The following MAF variants were observed in gnomAD, a reference collection of about 807,000 sequenced individuals.
The protein encoded by MAF is MAF bZIP transcription factor, also known as transcription factor Maf.
MAF carries 10 observed loss-of-function variants against 22.0 expected under a neutral mutation model. The ratio of observed to expected loss-of-function variants is 0.45; its 90% confidence interval spans 0.28 to 0.77. The LOEUF is 0.77. Among genes scored for constraint, MAF ranks in the 30% least tolerant of loss-of-function variants. The pLI, the probability that MAF is intolerant of heterozygous loss-of-function variation, is 0.12. For missense variants in MAF, 544 were observed against 548.4 expected (o/e 0.99, Z 0.08); for synonymous variants, 337 against 255.8 (o/e 1.32, Z -3.03).
At chr16:79,204,351 G>C in the MAF span, 1 of 152,114 alleles carries the variant, frequency 6.6e-6, no homozygotes, top group Non-Finnish European at 1.5e-5. Context: ...GATGGAACAA[G>C]TGTGCATGTA....
At chr16:79,324,331 G>C in the MAF span, among the ~76,000 whole-genome samples, 1 of 152,074 alleles carries the variant, frequency 6.6e-6, no homozygotes, top group Non-Finnish European at 1.5e-5. Context: ...GCTTATATGT[G>C]GTTTTGTTTT....
At chr16:79,250,904 G>C in the MAF span, among the ~76,000 whole-genome samples, 1 of 152,192 alleles carries the variant, frequency 6.6e-6, no homozygotes, top group African/African-American at 2.4e-5. Flanking sequence ...GTCCCAAGCA[G>C]ACTGGACAAG....
chr16:79,239,292 G>C, the MAF span, among the ~76,000 whole-genome samples: 1 of 152,070 alleles, frequency 6.6e-6, no homozygotes, highest in African/African-American at 2.4e-5. Context: ...TCACTCTTAA[G>C]TAGTGTCACT....
the MAF span, among the ~76,000 whole-genome samples, chr16:79,421,761 G>C: frequency 6.6e-6 from 1 of 151,344 alleles, no homozygotes; most frequent in South Asian, 2.1e-4. Flanking sequence ...TCAGCCTCTT[G>C]AGTAGTGAAT....
the MAF span, among the ~76,000 whole-genome samples, chr16:79,287,592 AT>A: frequency 6.6e-6 from 1 of 152,162 alleles, no homozygotes; most frequent in Non-Finnish European, 1.5e-5. Context: ...ATCAGATGTT[AT>A]TTTTTGGTTT....
chr16:79,564,883 C>G, the MAF span, among the ~76,000 whole-genome samples: 1 of 152,180 alleles, frequency 6.6e-6, no homozygotes, highest in South Asian at 2.1e-4. Flanking sequence ...CAAAACATTC[C>G]TTGCTCTTAC....
At chr16:79,372,529 A>G in the MAF span, among the ~76,000 whole-genome samples, 1 of 152,184 alleles carries the variant, frequency 6.6e-6, no homozygotes, top group African/African-American at 2.4e-5. Flanking sequence ...CTTCAGAAAG[A>G]TTACATCAGA....
chr16:79,363,686 C>T, the MAF span, among the ~76,000 whole-genome samples: 3 of 152,108 alleles, frequency 2.0e-5, no homozygotes, highest in African/African-American at 4.8e-5. Flanking sequence ...TGATAAAGTT[C>T]CTGAAAGCAT....
At chr16:79,528,090 C>G in the MAF span, among the ~76,000 whole-genome samples, 1 of 152,054 alleles carries the variant, frequency 6.6e-6, no homozygotes, top group African/African-American at 2.4e-5. Flanking sequence ...TGCAGTGAGC[C>G]TAGATTATGC....
the MAF span, among the ~76,000 whole-genome samples, chr16:79,535,586 C>CTTTTTTTTTTTTTTTTTTTTTTTT: frequency 1.5e-5 from 2 of 130,590 alleles, 1 homozygote; most frequent in Non-Finnish European, 3.1e-5. Context: ...ATTGCTTCTT[C>CTTTTTTTTTTTTTTTTTTTTTTTT]TTTTTTTTTT....
At chr16:79,213,086 G>A in the MAF span, among the ~76,000 whole-genome samples, 52 of 152,296 alleles carry the variant, frequency 3.4e-4, no homozygotes, top group Non-Finnish European at 6.6e-4. Flanking sequence ...GCTCTTATCT[G>A]CGCATCCCAT....
At chr16:79,563,506 CAAA>C in the MAF span, among the ~76,000 whole-genome samples, 4 of 138,470 alleles carry the variant, frequency 2.9e-5, no homozygotes, top group Non-Finnish European at 4.6e-5. Context: ...GACTTGGCAC[CAAA>C]AAAAAAAAAA....
the MAF span, among the ~76,000 whole-genome samples, chr16:79,332,814 C>T: frequency 6.6e-6 from 1 of 152,224 alleles, no homozygotes; most frequent in Admixed American, 6.5e-5. Context: ...GTGACTAAGC[C>T]TGTCTCCAAA....
chr16:79,356,797 G>C, the MAF span, among the ~76,000 whole-genome samples: 4 of 152,142 alleles, frequency 2.6e-5, no homozygotes, highest in African/African-American at 9.7e-5. Context: ...GCCACATGCT[G>C]TTGCTCTTGG....
the MAF span, among the ~76,000 whole-genome samples, chr16:79,242,378 A>C: frequency 2.0e-5 from 3 of 147,372 alleles, no homozygotes; most frequent in Non-Finnish European, 4.5e-5. Context: ...AAAAAAAAAG[A>C]AAAAAAAAAG....
chr16:79,467,327 C>T, the MAF span, among the ~76,000 whole-genome samples: 1 of 152,172 alleles, frequency 6.6e-6, no homozygotes, highest in Admixed American at 6.5e-5. Flanking sequence ...GCCTCACACC[C>T]TTCTAGATGG....
the MAF span, among the ~76,000 whole-genome samples, chr16:79,556,557 G>A: frequency 1.6e-4 from 25 of 152,218 alleles, no homozygotes; most frequent in Non-Finnish European, 2.8e-4. Context: ...CCAAGAATTT[G>A]TTGGTGGTAT....
chr16:79,418,406 G>A, the MAF span, among the ~76,000 whole-genome samples: 1 of 152,090 alleles, frequency 6.6e-6, no homozygotes, highest in Admixed American at 6.5e-5. Flanking sequence ...GGCTGGGGAC[G>A]ATTATTCACT....
the MAF span, among the ~76,000 whole-genome samples, chr16:79,428,867 T>TAATAATAA: frequency 6.6e-6 from 1 of 150,538 alleles, no homozygotes; most frequent in African/African-American, 2.4e-5. Context: ...ATAATAATAA[T>TAATAATAA]AATAGTAATA....
Sources: allele counts gnomAD v4.1 joint callset (sites outside exome capture counted in the v4.1 genomes callset), GRCh38; gene constraint gnomAD v4.1.1; transcripts MANE v1.5; gene names NCBI Gene and HGNC (gene_info 2026-07-23, HGNC 2026-07-21).